The following RNF213 variants were observed in gnomAD, a reference collection of about 807,000 sequenced individuals.
The protein encoded by RNF213 is ring finger protein 213.
In RNF213, 341 loss-of-function variants were observed where a neutral mutation model predicts 514.4. The ratio of observed to expected loss-of-function variants is 0.66; its 90% CI spans 0.61 to 0.73. The LOEUF (loss-of-function observed/expected upper bound fraction) is 0.73, where lower values mean the gene tolerates loss of function less well. RNF213 is among the 30% of genes least tolerant of loss of function. The probability of loss-of-function intolerance (pLI) is 0.00; values close to 1 mark genes in which losing one functional copy is unlikely to be tolerated. For missense variants in RNF213, 5,767 were observed against 6,615.6 expected (o/e 0.87, Z 4.45); for synonymous variants, 2,655 against 2,658.2 (o/e 1.00, Z 0.04).
rs2044741212 is a variant in RNF213 at position 80,291,839 on chromosome 17, C to A, written c.1471+12C>A. 1 of 1,614,004 alleles carries A rather than the reference C, an allele frequency of 6.2e-7. No homozygotes were observed. Among genetic ancestry groups the A allele is most frequent in the Non-Finnish European group, 8.5e-7 (1 of 1,179,980 alleles). ...TCTGGGCTCAGGAGGTAAGTCGTGGCAGCAGGCTGTCTGCTCACCCCTCCG... is the reference window on the plus strand; with the variant it reads ...TCTGGGCTCAGGAGGTAAGTCGTGGAAGCAGGCTGTCTGCTCACCCCTCCG... On this transcript the variant is annotated intron_variant, in intron 8 of 67. Coordinates refer to ENST00000582970, the MANE Select transcript of RNF213 (RefSeq NM_001256071.3).
chr17:80,384,684 C>A (rs533045340), intron 59 of RNF213, among the ~76,000 whole-genome samples: 1 of 152,290 alleles, frequency 6.6e-6, no homozygotes, highest in South Asian at 2.1e-4. Flanking sequence ...TAAGGCCAGC[C>A]CTCGCTGCCT....
At chr17:80,384,015 A>C in intron 59 of RNF213, 87 bp downstream of exon 59, 1 of 1,513,120 alleles carries the variant, frequency 6.6e-7, no homozygotes, top group Non-Finnish European at 9.2e-7. Context: ...ACGTAGTATA[A>C]TCATTCTTAA....
rs1262135359 is a variant in RNF213 at position 80,383,708 on chromosome 17, A to G, written c.14102A>G (p.Asn4701Ser). 2.5e-6 allele frequency: 4 copies of G among 1,613,922 alleles called. No individual in the cohort carries two copies. Among genetic ancestry groups the G allele is most frequent in the Middle Eastern group, 1.6e-4 (1 of 6,062 alleles). ...HLDKTLPTMN[N>S]LISQDKRISS... ...GATAAAACCCTTCCCACCATGAATAATCTCATCAGCCAAGATAAGCGTATC... is the reference window on the plus strand; with the variant it reads ...GATAAAACCCTTCCCACCATGAATAGTCTCATCAGCCAAGATAAGCGTATC... Residue 4701 changes from asparagine (N) to serine (S), a missense_variant, in exon 59 of 68, where the codon AAT becomes AGT. Coordinates refer to ENST00000582970, the MANE Select transcript of RNF213 (RefSeq NM_001256071.3).
At chr17:80,299,325 C>T (rs2045087802) in intron 11 of RNF213, among the ~76,000 whole-genome samples, 2 of 152,272 alleles carry the variant, frequency 1.3e-5, no homozygotes, top group Non-Finnish European at 2.9e-5. Flanking sequence ...CTTTCATAAG[C>T]ATCCTTAGCT....
intron 39 of RNF213, among the ~76,000 whole-genome samples, chr17:80,362,477 A>C (rs1840305050): frequency 6.6e-6 from 1 of 152,246 alleles, no homozygotes; most frequent in Non-Finnish European, 1.5e-5. Context: ...TAGCCTTACT[A>C]TTAATAGCAA....
chr17:80,354,868 T>C lies in RNF213; in HGVS notation c.10862+292T>C, dbSNP rs115488230. ...AGAGTAGAACATTTACCGACATTCA[T>C]GTTGATAACCCTAGAAAGGGCTGCT... On this transcript the variant is annotated intron_variant, in intron 36 of 67. Transcript: ENST00000582970. 922 of 451,882 alleles carry C rather than the reference T, an allele frequency of 2.0e-3. 3 individuals carry two copies. Among genetic ancestry groups the C allele is most frequent in the African/African-American group, 0.017 (836 of 50,444 alleles). The allele number at this position is 451,882 out of a possible 1,614,324, so 28.0% of individuals were successfully genotyped here.
chr17:80,291,403 G>A (rs944204795), intron 7 of RNF213, among the ~76,000 whole-genome samples: 1 of 151,864 alleles, frequency 6.6e-6, no homozygotes, highest in African/African-American at 2.4e-5. Flanking sequence ...TGTCACCCAG[G>A]CTGGAGTGCA....
chr17:80,347,061 A>T lies in RNF213; in HGVS notation c.8726A>T (p.Glu2909Val), dbSNP rs1380451079. 6.2e-7 allele frequency: 1 copy of T among 1,614,100 alleles called. No homozygotes were observed. The highest frequency in any genetic ancestry group is 8.5e-7 in the Non-Finnish European group (1 of 1,180,010). ...FVSRGSPNET[E>V]LIESAKGICS... Reference sequence around the variant, plus strand: ...TCACGTGGCAGCCCCAACGAGACAGAGCTCATAGAGAGCGCCAAGGGCATC... The same window carrying T: ...TCACGTGGCAGCCCCAACGAGACAGTGCTCATAGAGAGCGCCAAGGGCATC... The change falls in exon 29 of 68, where the codon GAG becomes GTG. Residue 2909 changes from glutamate to valine, a missense_variant. By Grantham distance (121) the Glu-to-Val change is moderately radical (BLOSUM62 -2). Around this residue, in one of 13 missense-constraint regions of RNF213, gnomAD observed 919 missense variants for 1,121.0 expected, o/e 0.82. Transcript: ENST00000582970. The surrounding 1 kb of genome is among the most constrained non-coding windows in gnomAD (Gnocchi z 7.2).
chr17:80,311,765 C>T (rs1210511164), intron 14 of RNF213, among the ~76,000 whole-genome samples: 1 of 152,182 alleles, frequency 6.6e-6, no homozygotes, highest in Non-Finnish European at 1.5e-5. Flanking sequence ...CCAGTGAGCA[C>T]CTGAGCGTAT....
At chr17:80,371,460 G>A (rs769271458) in intron 46 of RNF213, among the ~76,000 whole-genome samples, 7 of 152,148 alleles carry the variant, frequency 4.6e-5, no homozygotes, top group Non-Finnish European at 8.8e-5. Context: ...CTCTTCTCAC[G>A]GATTCATGTT....
In RNF213 at chr17:80,287,796, T is replaced by C; in HGVS notation, c.262-19T>C. On this transcript the variant is annotated intron_variant, in intron 3 of 67. Transcript: ENST00000582970. ...GAGTAAATCTAAGAAATAAAGTGAG[T>C]GTCTCTCTTTCTGTTTAGAGCAAAA... 1 of 1,610,050 alleles carries C rather than the reference T, an allele frequency of 6.2e-7. No homozygotes were observed. Among genetic ancestry groups the C allele is most frequent in the Non-Finnish European group, 8.5e-7 (1 of 1,176,756 alleles).
intron 58 of RNF213, 25 bp from the exon 59 acceptor site, chr17:80,383,652 T>G (rs1568166026): frequency 6.2e-7 from 1 of 1,612,242 alleles, no homozygotes; most frequent in East Asian, 2.2e-5. Context: ...CTTCCAGAAT[T>G]TTTTTTTTCA....
intron 1 of RNF213, among the ~76,000 whole-genome samples, chr17:80,261,256 C>T (rs962044200): frequency 1.0e-3 from 154 of 152,272 alleles, no homozygotes; most frequent in African/African-American, 3.6e-3. Context: ...TGGAAGGGGA[C>T]AGCCGGACCC....
At position 80,304,504 on chromosome 17, in the gene RNF213, G is replaced by A. The variant is rs113980279; in HGVS notation, c.2211-1748G>A. Among the ~76,000 whole-genome samples, 923 of 152,138 alleles carry A rather than the reference G, an allele frequency of 6.1e-3. 15 individuals are homozygous for A. Among genetic ancestry groups the A allele is most frequent in the African/African-American group, 0.021 (873 of 41,526 alleles). Reference sequence around the variant, plus strand: ...AAATACAAAAAATGAGCCGGGCGTGGTGGCAGGCGCCTGTAGTCACAGCTA... The same window carrying A: ...AAATACAAAAAATGAGCCGGGCGTGATGGCAGGCGCCTGTAGTCACAGCTA... On this transcript the variant is annotated intron_variant, in intron 11 of 67. Transcript: ENST00000582970.
chr17:80,334,190 T>C lies in RNF213; in HGVS notation c.4229T>C (p.Ile1410Thr). Residue 1410 changes from isoleucine to threonine, a missense_variant, in exon 22 of 68, where the codon ATC (isoleucine) becomes ACC (threonine). Coordinates refer to ENST00000582970, the MANE Select transcript of RNF213 (RefSeq NM_001256071.3). ...CAGGCCAAAAAGCTGCTCCAGGACA[T>C]CAGCGAGGCCCGGTGCAAGGGGCTG... is the stretch of plus-strand genomic sequence containing the variant. ...LIQAKKLLQD[I>T]SEARCKGLQA... 6.5e-7 allele frequency: 1 copy of C among 1,537,200 alleles called. No homozygotes were observed. Among genetic ancestry groups the C allele is most frequent in the Non-Finnish European group, 8.7e-7 (1 of 1,146,888 alleles).
In RNF213 at chr17:80,386,790, G is replaced by A. The variant is rs1178195935; in HGVS notation, c.14821G>A (p.Val4941Met). The A allele has an allele frequency of 2.5e-6, 4 of 1,614,166 alleles. No individual in the cohort carries two copies. The South Asian group carries it at 3.3e-5, about 13-fold the overall frequency. Reference protein sequence around the residue: ...PLILSNCQYQVEEGRETVQEF... With the variant: ...PLILSNCQYQMEEGRETVQEF... ...GATTCTCTCCAACTGCCAGTACCAG[G>A]TGGAGGAGGGCAGAGAGACCGTGCA... is the stretch of plus-strand genomic sequence containing the variant. The change falls in exon 63 of 68, where the codon GTG (valine) becomes ATG (methionine). Residue 4941 changes from valine (V) to methionine (M), a missense_variant. By Grantham distance (21) the Val-to-Met change is conservative. This residue lies in a region of RNF213 where 1,245 missense variants were observed against 1,339.0 expected (regional missense o/e 0.93). Transcript: ENST00000582970.
intron 3 of RNF213, among the ~76,000 whole-genome samples, chr17:80,275,037 TGTTGGGGGTGTGTGTTGGTGTGTGA>T (rs979129139): frequency 2.0e-5 from 2 of 100,182 alleles, no homozygotes; most frequent in African/African-American, 4.0e-5. Context: ...GGTGTGTGTG[TGTTGGGGGTGTGTGTTGGTGTGTGA>T]GTTGGGGGTG....
At position 80,345,987 on chromosome 17, in the gene RNF213, A is replaced by C. The variant is rs1751863435; in HGVS notation, c.7652A>C (p.Glu2551Ala). 2 of 1,614,122 alleles carry C rather than the reference A, an allele frequency of 1.2e-6. No homozygotes were observed. The highest frequency in any genetic ancestry group is 1.7e-6 in the Non-Finnish European group (2 of 1,180,014). Residue 2551 changes from glutamate to alanine, a missense_variant, in exon 29 of 68, where the codon GAG becomes GCG. Coordinates refer to ENST00000582970, the MANE Select transcript of RNF213 (RefSeq NM_001256071.3). This position sits in a 1 kb window ranked among gnomAD's most constrained non-coding sequence, Gnocchi z 6.0. ...AGLGYRVSME[E>A]TADRLGSIPL... Reference sequence around the variant, plus strand: ...TTGGGCTACAGGGTTAGTATGGAGGAGACGGCCGACAGGCTGGGCTCCATT... The same window carrying C: ...TTGGGCTACAGGGTTAGTATGGAGGCGACGGCCGACAGGCTGGGCTCCATT...
intron 49 of RNF213, among the ~76,000 whole-genome samples, chr17:80,374,143 G>GT (rs757133661): frequency 1.3e-5 from 2 of 152,224 alleles, no homozygotes; most frequent in Admixed American, 1.3e-4. Context: ...ACCACCTGGG[G>GT]TTTAGAGTTG....
Sources: gnomAD v4.1 joint callset for allele counts (sites outside exome capture counted in the v4.1 genomes callset) on GRCh38, gnomAD v4.1.1 for gene constraint, gnomAD v4.1.1 regional missense constraint, Gnocchi (gnomAD v3.1) non-coding constraint, MANE v1.5 for transcripts, NCBI Gene and HGNC (gene_info 2026-07-23, HGNC 2026-07-21) for gene names.